Variants in PPP1R1C observed in about 807,000 individuals in gnomAD.
PPP1R1C encodes the protein protein phosphatase 1 regulatory subunit 1C.
A neutral mutation model predicts 17.4 loss-of-function variants in PPP1R1C; 15 were observed. The observed-to-expected ratio is 0.86, with a 90% CI of 0.58 to 1.33. PPP1R1C has a LOEUF of 1.33. PPP1R1C is among the 40% of genes most tolerant of loss of function. PPP1R1C has a pLI of 0.00. For synonymous variants in PPP1R1C, 35 were observed against 43.1 expected (o/e 0.81, Z 0.73); for missense variants, 143 against 130.0 (o/e 1.10, Z -0.48).
intron 2 of PPP1R1C, among the ~76,000 whole-genome samples, chr2:182,023,182 C>G (rs376420767): frequency 6.6e-6 from 1 of 152,134 alleles, no homozygotes; most frequent in East Asian, 1.9e-4. Context: ...TGTCAATGCT[C>G]AGTGATGCAG....
chr2:181,962,079 C>T lies in PPP1R1C; in HGVS notation n.111+7445C>T, dbSNP rs1315847311. The T allele has an allele frequency of 3.3e-5, 24 of 721,852 alleles. No homozygotes were observed. Among genetic ancestry groups the T allele is most frequent in the South Asian group, 2.6e-4 (19 of 73,502 alleles). 44.7% of individuals were successfully genotyped at this position (721,852 alleles called of 1,614,324 possible). A position where few individuals can be genotyped will look rare whatever the true frequency, so the allele number is the denominator to read the frequency against. ...GCGAAGATCTGAACCCTCAGGTCCT[C>T]GATGGTCTTGAGGTAATGACTCCAG... On this transcript the variant is annotated intron_variant and non_coding_transcript_variant, in intron 1 of 5. Coordinates refer to the PPP1R1C transcript ENST00000464264. The surrounding 1 kb of genome is among the most constrained non-coding windows in gnomAD (Gnocchi z 6.0).
At chr2:182,030,721 T>C (rs1414850078) in intron 2 of PPP1R1C, among the ~76,000 whole-genome samples, 1 of 150,600 alleles carries the variant, frequency 6.6e-6, no homozygotes, top group African/African-American at 2.4e-5. Context: ...CAGGCCTCCT[T>C]GAGCTGTGGT....
intron 1 of PPP1R1C, among the ~76,000 whole-genome samples, chr2:181,960,836 C>A (rs1183769719): frequency 6.6e-6 from 1 of 152,196 alleles, no homozygotes; most frequent in Non-Finnish European, 1.5e-5. Flanking sequence ...GTAATCAAAT[C>A]ATGAAAATTA....
At chr2:182,092,399 GT>G (rs1559089679) in intron 4 of PPP1R1C, among the ~76,000 whole-genome samples, 2 of 152,094 alleles carry the variant, frequency 1.3e-5, no homozygotes, top group Non-Finnish European at 2.9e-5. Flanking sequence ...TGAGATTTGG[GT>G]GGGGACACAG....
At chr2:182,059,830 C>T (rs1337791435) in intron 2 of PPP1R1C, among the ~76,000 whole-genome samples, 1 of 151,908 alleles carries the variant, frequency 6.6e-6, no homozygotes, top group Admixed American at 6.6e-5. Context: ...TGTAGTGAGA[C>T]AGTAGGGAAA....
At chr2:182,029,429 A>G (rs1453323777) in intron 2 of PPP1R1C, among the ~76,000 whole-genome samples, 2 of 151,642 alleles carry the variant, frequency 1.3e-5, no homozygotes, top group African/African-American at 2.4e-5. Flanking sequence ...ATCTCTCAGC[A>G]TTTGCTTGTC....
chr2:182,043,400 C>T (rs1687244296), intron 2 of PPP1R1C, among the ~76,000 whole-genome samples: 1 of 152,030 alleles, frequency 6.6e-6, no homozygotes, highest in Non-Finnish European at 1.5e-5. Flanking sequence ...AGCAAAATAA[C>T]AAGCAAAAGG....
intron 2 of PPP1R1C, among the ~76,000 whole-genome samples, chr2:182,016,028 T>A (rs946956370): frequency 6.6e-6 from 1 of 152,168 alleles, no homozygotes; most frequent in African/African-American, 2.4e-5. Context: ...TAGATTGCCT[T>A]TCAAACATAC....
upstream of PPP1R1C, among the ~76,000 whole-genome samples, chr2:181,981,290 G>A (rs758638787): frequency 1.7e-4 from 26 of 152,172 alleles, no homozygotes; most frequent in Admixed American, 1.4e-3. Flanking sequence ...AATCATTGAT[G>A]TTTGCCTTTA....
chr2:181,973,147 T>C (rs1364345389), intron 1 of PPP1R1C, among the ~76,000 whole-genome samples: 1 of 152,192 alleles, frequency 6.6e-6, no homozygotes, highest in Non-Finnish European at 1.5e-5. Flanking sequence ...CTTTGACTCA[T>C]AGGCCAGACC....
At chr2:181,975,599 T>A (rs898790647) in intron 2 of PPP1R1C, among the ~76,000 whole-genome samples, 2 of 151,990 alleles carry the variant, frequency 1.3e-5, no homozygotes, top group Non-Finnish European at 2.9e-5. Flanking sequence ...AATAGCTATT[T>A]AACAGGAAGC....
chr2:181,983,199 T>C (rs1344360654), upstream of PPP1R1C, among the ~76,000 whole-genome samples: 1 of 152,214 alleles, frequency 6.6e-6, no homozygotes, highest in East Asian at 1.9e-4. Flanking sequence ...CCTTATATTA[T>C]AGTGGCCATC....
In PPP1R1C at chr2:181,962,275, G is replaced by C. The variant is rs1447129452; in HGVS notation, n.111+7641G>C. ...TGCCTCCCATTCCTGCCAGACCCCC[G>C]GCCATCCCCGCGGCCAGGTCCCCGG... On this transcript the variant is annotated intron_variant and non_coding_transcript_variant, in intron 1 of 5. Transcript: ENST00000464264. The surrounding 1 kb of genome is among the most constrained non-coding windows in gnomAD (Gnocchi z 6.0). 7 of 738,362 alleles carry C rather than the reference G, an allele frequency of 9.5e-6. No individual in the cohort carries two copies. The highest frequency in any genetic ancestry group is 9.6e-6 in the Non-Finnish European group (4 of 417,958). 45.7% of individuals were successfully genotyped at this position (738,362 alleles called of 1,614,324 possible). A position where few individuals can be genotyped will look rare whatever the true frequency, so the allele number is the denominator to read the frequency against.
chr2:182,040,002 G>C (rs1687133062), intron 2 of PPP1R1C, among the ~76,000 whole-genome samples: 1 of 152,170 alleles, frequency 6.6e-6, no homozygotes, highest in Non-Finnish European at 1.5e-5. Context: ...TTTTATAGCT[G>C]AGTAGTATTC....
chr2:182,008,106 T>C (rs1192912517), intron 2 of PPP1R1C, among the ~76,000 whole-genome samples: 8 of 141,076 alleles, frequency 5.7e-5, no homozygotes, highest in Admixed American at 4.9e-4. Context: ...TAAAATAAAA[T>C]GAAATCAATA....
At position 181,962,559 on chromosome 2, in the gene PPP1R1C, A is replaced by T; in HGVS notation, n.111+7925A>T. ...GCAGTTTTCTAAGGAACCTGCAGAG[A>T]AACATCAAGCTCAGATCGAACAAAG... On this transcript the variant is annotated intron_variant and non_coding_transcript_variant, in intron 1 of 5. Coordinates refer to the PPP1R1C transcript ENST00000464264. This position sits in a 1 kb window ranked among gnomAD's most constrained non-coding sequence, Gnocchi z 6.0. 1.8e-6 allele frequency: 1 copy of T among 562,850 alleles called. No homozygotes were observed. Among genetic ancestry groups the T allele is most frequent in the South Asian group, 1.9e-5 (1 of 52,138 alleles). The allele number at this position is 562,850 out of a possible 1,614,324, so 34.9% of individuals were successfully genotyped here.
At chr2:182,008,828 T>A (rs1686005165) in intron 2 of PPP1R1C, among the ~76,000 whole-genome samples, 1 of 152,208 alleles carries the variant, frequency 6.6e-6, no homozygotes, top group Non-Finnish European at 1.5e-5. Context: ...CATTCTACTC[T>A]CCATCACCAT....
downstream of PPP1R1C, chr2:182,130,130 T>G (rs1447847908): frequency 6.6e-6 from 1 of 152,134 alleles, no homozygotes; most frequent in Non-Finnish European, 1.5e-5. Context: ...GAACAAGGCA[T>G]CAATCTTTAA....
chr2:181,982,894 T>C (rs989322133), upstream of PPP1R1C, among the ~76,000 whole-genome samples: 18 of 152,336 alleles, frequency 1.2e-4, no homozygotes, highest in African/African-American at 4.3e-4. Flanking sequence ...TGTTGCTTGT[T>C]CTAGAGGCCT....
Sources: allele counts gnomAD v4.1 joint callset (sites outside exome capture counted in the v4.1 genomes callset), GRCh38; gene constraint gnomAD v4.1.1; non-coding constraint Gnocchi (gnomAD v3.1); transcripts MANE v1.5; gene names NCBI Gene and HGNC (gene_info 2026-07-23, HGNC 2026-07-21).